KIF16B: variants seen among roughly 807,000 people sequenced by gnomAD.
The protein encoded by KIF16B is kinesin-like protein KIF16B.
Under a neutral mutation model 156.3 loss-of-function variants are expected in KIF16B, and 98 were observed. That is an observed-to-expected ratio of 0.63 (90% CI 0.53 to 0.74). The LOEUF is 0.74. KIF16B is among the 30% of genes least tolerant of loss of function. The pLI, the probability that KIF16B is intolerant of heterozygous loss-of-function variation, is 0.00. For missense variants in KIF16B, 1,421 were observed against 1,606.5 expected (o/e 0.88, Z 1.97); for synonymous variants, 564 against 583.7 (o/e 0.97, Z 0.49).
intron 3 of KIF16B, among the ~76,000 whole-genome samples, chr20:16,519,288 C>T (rs551551560): frequency 6.6e-6 from 1 of 152,170 alleles, no homozygotes; most frequent in South Asian, 2.1e-4. Flanking sequence ...CCTATCTTTC[C>T]CTAATTTTTT....
At chr20:16,360,575 T>C (rs2064532397) in intron 22 of KIF16B, among the ~76,000 whole-genome samples, 2 of 152,182 alleles carry the variant, frequency 1.3e-5, no homozygotes. Context: ...CATGGAGTGA[T>C]CCTATTTAGA....
At chr20:16,433,162 T>C (rs540623616) in intron 12 of KIF16B, among the ~76,000 whole-genome samples, 9 of 152,276 alleles carry the variant, frequency 5.9e-5, no homozygotes, top group African/African-American at 2.2e-4. Flanking sequence ...ATCACACAGC[T>C]CTATTTCATA....
intron 25 of KIF16B, among the ~76,000 whole-genome samples, chr20:16,283,313 G>A (rs2063174984): frequency 6.6e-6 from 1 of 152,200 alleles, no homozygotes; most frequent in East Asian, 1.9e-4. Flanking sequence ...TCAGTTTCAC[G>A]CTCTGCCTGG....
intron 4 of KIF16B, among the ~76,000 whole-genome samples, chr20:16,514,176 T>C (rs934777756): frequency 6.6e-6 from 1 of 151,948 alleles, no homozygotes; most frequent in Non-Finnish European, 1.5e-5. Context: ...GGAATCAACA[T>C]ACAAATTTCA....
At chr20:16,407,315 C>T (rs1018058503) in intron 15 of KIF16B, among the ~76,000 whole-genome samples, 1 of 152,160 alleles carries the variant, frequency 6.6e-6, no homozygotes, top group Non-Finnish European at 1.5e-5. Flanking sequence ...GAAGTCCCAT[C>T]CATGTATGAG....
At chr20:16,550,831 G>A (rs958262404) in intron 1 of KIF16B, among the ~76,000 whole-genome samples, 15 of 151,900 alleles carry the variant, frequency 9.9e-5, no homozygotes, top group African/African-American at 3.4e-4. Flanking sequence ...ACGCCTGGCC[G>A]AAACATGCAT....
At chr20:16,430,177 A>G (rs2066461361) in intron 12 of KIF16B, among the ~76,000 whole-genome samples, 195 bp from the exon 13 acceptor site, 1 of 152,338 alleles carries the variant, frequency 6.6e-6, no homozygotes, top group South Asian at 2.1e-4. Flanking sequence ...ATAAAAAGCG[A>G]AATATAAAAC....
In KIF16B at chr20:16,376,456, G is replaced by T. The variant is rs921201716; in HGVS notation, c.3198-2047C>A. Among the ~76,000 whole-genome samples the T allele has an allele frequency of 3.9e-5, 6 of 152,190 alleles. No individual in the cohort carries two copies. The East Asian group carries it at 9.6e-4, about 24-fold the overall frequency. On this transcript the variant is annotated intron_variant, in intron 19 of 25. Coordinates refer to ENST00000354981, the MANE Select transcript of KIF16B (RefSeq NM_024704.5). The stretch of plus-strand genomic sequence containing the variant: ...TCACACTTGTGGAATTTTACGAGGG[G>T]CCAAGTCAGGCTGCACGGTGAATCC...
chr20:16,335,266 TTCA>T, intron 24 of KIF16B, among the ~76,000 whole-genome samples: 1 of 152,226 alleles, frequency 6.6e-6, no homozygotes, highest in Non-Finnish European at 1.5e-5. Flanking sequence ...TAAAATCATC[TTCA>T]TCATCATCAT....
chr20:16,299,336 G>C (rs1335134848), intron 25 of KIF16B, among the ~76,000 whole-genome samples: 1 of 151,890 alleles, frequency 6.6e-6, no homozygotes, highest in African/African-American at 2.4e-5. Context: ...ATTCATTCTG[G>C]TTTTCTACAT....
At chr20:16,430,960 AAC>A (rs66529808) in intron 12 of KIF16B, among the ~76,000 whole-genome samples, 15,353 of 151,514 alleles carry the variant, frequency 0.1, 1,550 homozygotes, top group African/African-American at 0.26. Flanking sequence ...AAACAAAACA[AAC>A]AAAAAAAACC....
At chr20:16,483,215 C>G (rs1012233897) in intron 12 of KIF16B, among the ~76,000 whole-genome samples, 4 of 152,134 alleles carry the variant, frequency 2.6e-5, no homozygotes, top group Non-Finnish European at 5.9e-5. Context: ...AAAGTAGAAC[C>G]AAGGAGAATC....
At chr20:16,369,388 A>C (rs946212615) in intron 22 of KIF16B, 2 of 681,104 alleles carry the variant, frequency 2.9e-6, no homozygotes, top group Admixed American at 1.3e-4. Context: ...TTAAATAAAA[A>C]GTCTAAGCCA....
At position 16,324,865 on chromosome 20, in the gene KIF16B, C is replaced by T. The variant is rs150013820; in HGVS notation, c.3711+11061G>A. 8.4e-4 allele frequency among the ~76,000 whole-genome samples: 128 copies of T among 152,086 alleles called. 2 individuals carry two copies. In the East Asian group the frequency reaches 0.019, roughly 23 times the overall value. ...AACAACTAAAAAAGAAAACTACAGG[C>T]CAATATCCCTGATGAACATAGATGC... is the stretch of plus-strand genomic sequence containing the variant. On this transcript the variant is annotated intron_variant, in intron 24 of 25. Coordinates refer to ENST00000354981, the MANE Select transcript of KIF16B (RefSeq NM_024704.5).
chr20:16,286,801 T>A (rs1424730757), intron 25 of KIF16B, among the ~76,000 whole-genome samples: 2 of 152,214 alleles, frequency 1.3e-5, no homozygotes, highest in Non-Finnish European at 2.9e-5. Flanking sequence ...GTGGCCCCAA[T>A]GAACCACATC....
chr20:16,519,137 GCACATATGAA>G (rs1184304699), intron 3 of KIF16B, among the ~76,000 whole-genome samples: 2 of 152,114 alleles, frequency 1.3e-5, no homozygotes, highest in African/African-American at 4.8e-5. Flanking sequence ...AAACAACATA[GCACATATGAA>G]CACCAAGCAG....
chr20:16,303,017 G>A (rs1053829483), intron 25 of KIF16B, among the ~76,000 whole-genome samples: 3 of 151,872 alleles, frequency 2.0e-5, no homozygotes, highest in Non-Finnish European at 4.4e-5. Context: ...GCATAAGCTA[G>A]GATTTCAAAT....
chr20:16,279,185 G>A (rs2063109090), intron 25 of KIF16B, among the ~76,000 whole-genome samples: 2 of 152,018 alleles, frequency 1.3e-5, no homozygotes, highest in African/African-American at 2.4e-5. Flanking sequence ...CTGGGAATTG[G>A]TTAACTGGTT....
intron 8 of KIF16B, 25 bp from the exon 9 acceptor site, chr20:16,505,878 G>A (rs376549676): frequency 1.2e-6 from 2 of 1,610,712 alleles, no homozygotes; most frequent in Non-Finnish European, 1.7e-6. Context: ...AAACAAAGGG[G>A]AGAAAGGACA....
Sources: gnomAD v4.1 joint callset for allele counts (sites outside exome capture counted in the v4.1 genomes callset) on GRCh38, gnomAD v4.1.1 for gene constraint, MANE v1.5 for transcripts, NCBI Gene and HGNC (gene_info 2026-07-23, HGNC 2026-07-21) for gene names.